SLC5A3: variants seen among roughly 807,000 people sequenced by gnomAD.
SLC5A3 encodes the protein sodium/myo-inositol cotransporter.
SLC5A3 carries 10 observed loss-of-function variants against 43.2 expected under a neutral mutation model. The ratio of observed to expected loss-of-function variants is 0.23; its 90% CI spans 0.14 to 0.39. SLC5A3 has a LOEUF of 0.39. Ranked by LOEUF, SLC5A3 falls within the 10% of genes least tolerant of loss-of-function variation. The pLI is 1.00. For synonymous variants in SLC5A3, 349 were observed against 322.0 expected, an observed-to-expected ratio of 1.08 and a Z score of -0.90; for missense variants, 608 against 893.4, an observed-to-expected ratio of 0.68 and a Z score of 4.07.
At chr21:34,076,855 A>G (rs958983810) in intron 1 of SLC5A3, among the ~76,000 whole-genome samples, 4 of 152,228 alleles carry the variant, frequency 2.6e-5, no homozygotes, top group Non-Finnish European at 5.9e-5. Context: ...TGTTACACCC[A>G]TATCAGATAG....
chr21:34,103,520 G>T lies in SLC5A3; in HGVS notation c.*6165G>T. 1.0e-6 allele frequency: 1 copy of T among 999,848 alleles called. No homozygotes were observed. Among genetic ancestry groups the T allele is most frequent in the Non-Finnish European group, 1.2e-6 (1 of 829,678 alleles). 61.9% of individuals were successfully genotyped at this position (999,848 alleles called of 1,614,324 possible). A position where few individuals can be genotyped will look rare whatever the true frequency, so the allele number is the denominator to read the frequency against. On this transcript the variant is annotated 3_prime_UTR_variant, in exon 2 of 2. Coordinates refer to ENST00000381151, the MANE Select transcript of SLC5A3 (RefSeq NM_006933.7). ...AGGTTGATAGGTATATCGAGAACAGGTACGTGACAACAGTTTATATTCCAT... is the reference window on the plus strand; with the variant it reads ...AGGTTGATAGGTATATCGAGAACAGTTACGTGACAACAGTTTATATTCCAT...
At chr21:34,082,055 GT>G (rs11327535) in intron 1 of SLC5A3, among the ~76,000 whole-genome samples, 25,707 of 143,388 alleles carry the variant, frequency 0.18, 4,218 homozygotes, top group African/African-American at 0.45. Context: ...AGGAAATCTG[GT>G]TTTTTTTTTT....
At chr21:34,087,209 C>T (rs1032296887) in intron 1 of SLC5A3, among the ~76,000 whole-genome samples, 4 of 152,180 alleles carry the variant, frequency 2.6e-5, no homozygotes, top group African/African-American at 7.2e-5. Context: ...CACATACCCT[C>T]AACTGGAGCT....
Position 34,097,518 on chromosome 21 carries a change from G to C in SLC5A3, c.*163G>C. ...AATTACAAGACTTTATTTTCCCAGA[G>C]ATGGATTAAAGTAAATCTTCAACTT... On this transcript the variant is annotated 3_prime_UTR_variant, in exon 2 of 2. Transcript: ENST00000381151. 1.4e-6 allele frequency: 2 copies of C among 1,395,568 alleles called. No individual in the cohort carries two copies. Among genetic ancestry groups the C allele is most frequent in the Non-Finnish European group, 1.9e-6 (2 of 1,072,790 alleles). The allele number at this position is 1,395,568 out of a possible 1,614,324, so 86.4% of individuals were successfully genotyped here.
rs1332299877 is a variant in SLC5A3, at chr21:34,096,903, G to A, written c.1705G>A (p.Glu569Lys). Residue 569 changes from glutamate to lysine, a missense_variant, in exon 2 of 2, where the codon GAA becomes AAA. Transcript: ENST00000381151. This position sits in a 1 kb window ranked among gnomAD's most constrained non-coding sequence, Gnocchi z 5.9. ...AAAAGAGGAACCATACAAAATGCAA[G>A]AAAAGAGCATTCTGAGATGCAGTGA... ...SPKEEPYKMQ[E>K]KSILRCSENN... 6.2e-7 allele frequency: 1 copy of A among 1,614,096 alleles called. No homozygotes were observed. The highest frequency in any genetic ancestry group is 8.5e-7 in the Non-Finnish European group (1 of 1,179,984).
In SLC5A3 at chr21:34,100,856, A is replaced by G; in HGVS notation, c.*3501A>G. The G allele has an allele frequency of 2.0e-6, 2 of 1,000,200 alleles. No individual in the cohort carries two copies. The highest frequency in any genetic ancestry group is 2.4e-6 in the Non-Finnish European group (2 of 829,954). 62.0% of individuals were successfully genotyped at this position (1,000,200 alleles called of 1,614,324 possible). A position where few individuals can be genotyped will look rare whatever the true frequency, so the allele number is the denominator to read the frequency against. Reference sequence around the variant, plus strand: ...GGGTTATTTTCATTCTTTACCACCAAATAAAGCGGCTTATTAGCTACTCAG... The same window carrying G: ...GGGTTATTTTCATTCTTTACCACCAGATAAAGCGGCTTATTAGCTACTCAG... On this transcript the variant is annotated 3_prime_UTR_variant, in exon 2 of 2. Transcript: ENST00000381151.
In SLC5A3 at chr21:34,077,652, CAA is replaced by C. The variant is rs551398787; in HGVS notation, c.-337+3909_-337+3910del. On this transcript the variant is annotated intron_variant, in intron 1 of 1. Transcript: ENST00000381151. Reference sequence around the variant, plus strand: ...TGGAAATCTTAAGTTCTTATTAAAACAAACAGTAATTTTTATGTTTAATACTC... The same window carrying C: ...TGGAAATCTTAAGTTCTTATTAAAACACAGTAATTTTTATGTTTAATACTC... 2.3e-4 allele frequency among the ~76,000 whole-genome samples: 35 copies of C among 152,164 alleles called. 2 individuals carry two copies. The East Asian group carries it at 6.6e-3, about 29-fold the overall frequency.
Position 34,103,089 on chromosome 21 carries a change from T to TCAAC in SLC5A3, c.*5734_*5735insCAAC. 1.0e-6 allele frequency: 1 copy of TCAAC among 1,000,120 alleles called. No homozygotes were observed. The highest frequency in any genetic ancestry group is 1.2e-6 in the Non-Finnish European group (1 of 829,926). 62.0% of individuals were successfully genotyped at this position (1,000,120 alleles called of 1,614,324 possible). ...CATTAGTAACTCATCTTTTTGTTGT[T>TCAAC]ATAATTGGAAACAGAAACGAGGCTT... On this transcript the variant is annotated 3_prime_UTR_variant, in exon 2 of 2. Coordinates refer to ENST00000381151, the MANE Select transcript of SLC5A3 (RefSeq NM_006933.7).
chr21:34,082,831 A>T, intron 1 of SLC5A3, among the ~76,000 whole-genome samples: 1 of 152,262 alleles, frequency 6.6e-6, no homozygotes, highest in African/African-American at 2.4e-5. Flanking sequence ...TTTTGGCCCA[A>T]GGTGTAATTG....
chr21:34,080,064 T>G (rs1449208154), intron 1 of SLC5A3, among the ~76,000 whole-genome samples: 3 of 152,232 alleles, frequency 2.0e-5, no homozygotes, highest in African/African-American at 7.2e-5. Flanking sequence ...TTCCTTGGAC[T>G]CTTGCAGTTT....
chr21:34,093,716 A>G (rs1041509991), intron 1 of SLC5A3, among the ~76,000 whole-genome samples: 1 of 152,224 alleles, frequency 6.6e-6, no homozygotes, highest in South Asian at 2.1e-4. Context: ...GTCAGCTGCA[A>G]TTACAATTAA....
At chr21:34,094,109 T>C (rs184971936) in intron 1 of SLC5A3, among the ~76,000 whole-genome samples, 1 of 152,366 alleles carries the variant, frequency 6.6e-6, no homozygotes, top group African/African-American at 2.4e-5. Context: ...ATTGCTTCTT[T>C]TAAAGTTTGC....
In SLC5A3 at chr21:34,097,981, T is replaced by C. The variant is rs547296718; in HGVS notation, c.*626T>C. On this transcript the variant is annotated 3_prime_UTR_variant, in exon 2 of 2. Coordinates refer to ENST00000381151, the MANE Select transcript of SLC5A3 (RefSeq NM_006933.7). ...TATATGGAATGTTAGGGAAAAACTT[T>C]GTTCCAGTTCCTTTTTTTTTTTCTT... The C allele has an allele frequency of 2.7e-5, 27 of 998,258 alleles. No individual in the cohort carries two copies. The African/African-American group carries it at 4.4e-4, about 16-fold the overall frequency. The allele number at this position is 998,258 out of a possible 1,614,324, so 61.8% of individuals were successfully genotyped here.
Position 34,105,496 on chromosome 21 carries a change from TA to T in SLC5A3, c.*8143del. ...TCTAGTAATTTTGATATGTAAGTAT[TA>T]ATGCATTTTTAAAAGATGTCTACAT... On this transcript the variant is annotated 3_prime_UTR_variant, in exon 2 of 2. Coordinates refer to ENST00000381151, the MANE Select transcript of SLC5A3 (RefSeq NM_006933.7). The T allele has an allele frequency of 1.0e-6, 1 of 999,868 alleles. No homozygotes were observed. Among genetic ancestry groups the T allele is most frequent in the African/African-American group, 1.7e-5 (1 of 57,346 alleles). 61.9% of individuals were successfully genotyped at this position (999,868 alleles called of 1,614,324 possible).
intron 1 of SLC5A3, among the ~76,000 whole-genome samples, chr21:34,085,125 T>C (rs1978324812): frequency 6.6e-6 from 1 of 152,244 alleles, no homozygotes; most frequent in South Asian, 2.1e-4. Context: ...CAGTATTCAA[T>C]CAAGGATCAT....
rs944136484 is a variant in SLC5A3 at position 34,102,606 on chromosome 21, A to G, written c.*5251A>G. On this transcript the variant is annotated 3_prime_UTR_variant, in exon 2 of 2. Coordinates refer to ENST00000381151, the MANE Select transcript of SLC5A3 (RefSeq NM_006933.7). ...CTGAGGCTATTGACTTAAACCAATA[A>G]CTGTACTTTATGTAATGACTCTTAA... 1.0e-6 allele frequency: 1 copy of G among 1,000,170 alleles called. No homozygotes were observed. The highest frequency in any genetic ancestry group is 1.2e-6 in the Non-Finnish European group (1 of 829,894). 62.0% of individuals were successfully genotyped at this position (1,000,170 alleles called of 1,614,324 possible).
intron 1 of SLC5A3, among the ~76,000 whole-genome samples, chr21:34,084,114 G>A (rs1989518450): frequency 6.7e-6 from 1 of 148,930 alleles, no homozygotes; most frequent in Admixed American, 6.7e-5. Context: ...CTCTTTTTGT[G>A]GTCTTACTTC....
intron 1 of SLC5A3, among the ~76,000 whole-genome samples, chr21:34,086,407 C>A (rs1314206420): frequency 6.6e-6 from 1 of 152,092 alleles, no homozygotes; most frequent in Non-Finnish European, 1.5e-5. Flanking sequence ...GTACTCATAG[C>A]CTGGGTGCAT....
intron 1 of SLC5A3, among the ~76,000 whole-genome samples, chr21:34,084,830 G>T (rs540402888): frequency 1.3e-5 from 2 of 152,078 alleles, no homozygotes; most frequent in East Asian, 3.9e-4. Context: ...TGGCTAACAT[G>T]ACTAAAAAAA....
Sources: gnomAD v4.1 joint callset for allele counts (sites outside exome capture counted in the v4.1 genomes callset) on GRCh38, gnomAD v4.1.1 for gene constraint, Gnocchi (gnomAD v3.1) non-coding constraint, MANE v1.5 for transcripts, NCBI Gene and HGNC (gene_info 2026-07-23, HGNC 2026-07-21) for gene names.